Variants in NBAS observed in about 807,000 individuals in gnomAD.
The protein encoded by NBAS is NBAS subunit of NRZ tethering complex.
NBAS carries 219 observed loss-of-function variants against 302.5 expected under a neutral mutation model. The ratio of observed to expected loss-of-function variants is 0.72; its 90% CI spans 0.65 to 0.81. The LOEUF (loss-of-function observed/expected upper bound fraction) is 0.81, where lower values mean the gene tolerates loss of function less well. Ranked by LOEUF, NBAS falls within the 30% of genes least tolerant of loss-of-function variation. NBAS has a pLI of 0.00. For missense variants in NBAS, 2,932 were observed against 2,841.6 expected (o/e 1.03, Z -0.72); for synonymous variants, 1,118 against 1,021.6 (o/e 1.09, Z -1.80).
At chr2:14,901,503 C>T in the NBAS span, among the ~76,000 whole-genome samples, 16 of 151,152 alleles carry the variant, frequency 1.1e-4, no homozygotes, top group Admixed American at 9.9e-4. Context: ...ATTTTATAAA[C>T]ACTTTAAGGG....
chr2:14,938,563 A>G, the NBAS span, among the ~76,000 whole-genome samples: 1 of 152,220 alleles, frequency 6.6e-6, no homozygotes, highest in Admixed American at 6.5e-5. Context: ...ACTAACTATG[A>G]TTTACAAACA....
chr2:14,868,461 A>G, the NBAS span, among the ~76,000 whole-genome samples: 263 of 152,340 alleles, frequency 1.7e-3, no homozygotes, highest in African/African-American at 6.1e-3. Flanking sequence ...ATAAAGGTCT[A>G]TACGAAAGTA....
In NBAS at chr2:15,356,357, G is replaced by C. The variant is rs373721233; in HGVS notation, c.3877C>G (p.Arg1293Gly). 8 of 1,613,886 alleles carry C rather than the reference G, an allele frequency of 5.0e-6. No individual in the cohort carries two copies. Among genetic ancestry groups the C allele is most frequent in the Middle Eastern group, 1.7e-4 (1 of 6,060 alleles). ...CTGGCTGCTTTGTAGTCATGGAAGCGAAGTGCCTGCTCCACTAAAAGGATT... is the reference window on the plus strand; with the variant it reads ...CTGGCTGCTTTGTAGTCATGGAAGCCAAGTGCCTGCTCCACTAAAAGGATT... Reference protein sequence around the residue: ...VLILLVEQALRFHDYKAASMH... With the variant: ...VLILLVEQALGFHDYKAASMH... Residue 1293 changes from arginine (R) to glycine (G), a missense_variant, in exon 33 of 52, where the codon CGC (arginine) becomes GGC (glycine). Coordinates refer to ENST00000281513, the MANE Select transcript of NBAS (RefSeq NM_015909.4).
the NBAS span, among the ~76,000 whole-genome samples, chr2:14,886,448 A>G: frequency 6.6e-6 from 1 of 152,186 alleles, no homozygotes; most frequent in Non-Finnish European, 1.5e-5. Flanking sequence ...TCTGCCTTGC[A>G]TATCTCTCTA....
the NBAS span, among the ~76,000 whole-genome samples, chr2:14,785,488 T>C: frequency 6.6e-6 from 1 of 152,146 alleles, no homozygotes; most frequent in Non-Finnish European, 1.5e-5. Flanking sequence ...TTTTGAGATA[T>C]GTCCCATCAG....
chr2:15,083,028 T>C, the NBAS span, among the ~76,000 whole-genome samples: 2 of 152,214 alleles, frequency 1.3e-5, no homozygotes, highest in African/African-American at 4.8e-5. Context: ...CTTTGGAATA[T>C]TTCCATTTGC....
intron 31 of NBAS, among the ~76,000 whole-genome samples, chr2:15,367,190 A>G (rs1369547693): frequency 6.6e-6 from 1 of 152,190 alleles, no homozygotes; most frequent in Non-Finnish European, 1.5e-5. Flanking sequence ...TCCTCCAAAC[A>G]TAAGCCCAAT....
At position 15,473,158 on chromosome 2, in the gene NBAS, C is replaced by A. The variant is rs1035896459; in HGVS notation, c.1725+64G>T. 3.8e-6 allele frequency: 6 copies of A among 1,560,098 alleles called. No homozygotes were observed. In the African/African-American group the frequency reaches 8.2e-5, roughly 21 times the overall value. On this transcript the variant is annotated intron_variant, in intron 16 of 51. Transcript: ENST00000281513. ...AATGTAAAGTACTCTAAAATGAAGC[C>A]CTATAAACAAAAGATATTACATGAA...
chr2:15,422,917 T>C (rs1339192395), intron 23 of NBAS, among the ~76,000 whole-genome samples: 1 of 152,206 alleles, frequency 6.6e-6, no homozygotes, highest in Non-Finnish European at 1.5e-5. Flanking sequence ...AACAAAATCA[T>C]TTTTCTTGTT....
intron 35 of NBAS, among the ~76,000 whole-genome samples, chr2:15,334,503 T>C (rs118101381): frequency 0.012 from 1,857 of 152,244 alleles, 52 homozygotes; most frequent in East Asian, 0.11. Flanking sequence ...TTAAGCCAAT[T>C]TGGCATCAAA....
the NBAS span, among the ~76,000 whole-genome samples, chr2:15,068,247 C>T: frequency 2.6e-5 from 4 of 152,310 alleles, no homozygotes; most frequent in African/African-American, 9.6e-5. Flanking sequence ...CCTAGTCCTA[C>T]CGTAGTCTGT....
intron 41 of NBAS, among the ~76,000 whole-genome samples, chr2:15,289,568 G>T (rs889318994): frequency 6.6e-6 from 1 of 152,146 alleles, no homozygotes; most frequent in Non-Finnish European, 1.5e-5. Flanking sequence ...TTTATCTCTT[G>T]ATAAAGGTGG....
chr2:14,836,794 T>C, the NBAS span, among the ~76,000 whole-genome samples: 1 of 151,898 alleles, frequency 6.6e-6, no homozygotes, highest in Non-Finnish European at 1.5e-5. Flanking sequence ...ATAACTTTCT[T>C]AGATTAAGTC....
the NBAS span, among the ~76,000 whole-genome samples, chr2:14,950,763 T>G: frequency 5.9e-5 from 9 of 152,182 alleles, no homozygotes; most frequent in Non-Finnish European, 1.3e-4. Context: ...ACAGAAGACC[T>G]TCCTAGAGAA....
intron 40 of NBAS, among the ~76,000 whole-genome samples, chr2:15,306,587 C>G (rs1302090339): frequency 2.6e-5 from 4 of 152,130 alleles, no homozygotes; most frequent in African/African-American, 9.7e-5. Flanking sequence ...AGAACTTTGA[C>G]AGACACATGA....
intron 27 of NBAS, 64 bp from the exon 28 acceptor site, chr2:15,394,413 G>A (rs1045907897): frequency 8.6e-5 from 134 of 1,562,598 alleles, no homozygotes; most frequent in Admixed American, 3.4e-5. Context: ...AAGAATCTTA[G>A]GCATAGAGGT....
the NBAS span, among the ~76,000 whole-genome samples, chr2:14,964,769 G>A: frequency 2.0e-5 from 3 of 152,062 alleles, no homozygotes; most frequent in African/African-American, 7.2e-5. Context: ...ACACTGGTCA[G>A]GATAGAATAC....
the NBAS span, among the ~76,000 whole-genome samples, chr2:14,832,047 G>T: frequency 6.6e-6 from 1 of 152,142 alleles, no homozygotes; most frequent in Non-Finnish European, 1.5e-5. Flanking sequence ...TCTGGGTCAG[G>T]CCTAGAATGA....
chr2:15,060,335 C>G, the NBAS span, among the ~76,000 whole-genome samples: 1 of 152,192 alleles, frequency 6.6e-6, no homozygotes, highest in African/African-American at 2.4e-5. Flanking sequence ...TCAGGACCAC[C>G]ACCTGTGCAT....
Sources: gnomAD v4.1 joint callset for allele counts (sites outside exome capture counted in the v4.1 genomes callset) on GRCh38, gnomAD v4.1.1 for gene constraint, MANE v1.5 for transcripts, NCBI Gene and HGNC (gene_info 2026-07-23, HGNC 2026-07-21) for gene names.